The following RBBP4 variants were observed in gnomAD, a reference collection of about 807,000 sequenced individuals.
RBBP4 encodes the protein histone-binding protein RBBP4.
RBBP4 carries 3 observed loss-of-function variants against 57.2 expected under a neutral mutation model. That is an observed-to-expected ratio of 0.05 (90% CI 0.02 to 0.14). RBBP4 has a LOEUF of 0.14. RBBP4 is among the 10% of genes least tolerant of loss of function. RBBP4 has a pLI of 1.00. For synonymous variants in RBBP4, 151 were observed against 171.5 expected (o/e 0.88, Z 0.93); for missense variants, 107 against 520.6 (o/e 0.21, Z 7.73).
At chr1:32,654,094 T>C (rs1648031351) in intron 2 of RBBP4, among the ~76,000 whole-genome samples, 1 of 152,026 alleles carries the variant, frequency 6.6e-6, no homozygotes, top group South Asian at 2.1e-4. Context: ...ACTTATGGGC[T>C]GGTCATGGTG....
Position 32,681,714 on chromosome 1 carries a change from AACTTCC to A in RBBP4, c.*2012_*2017del. On this transcript the variant is annotated 3_prime_UTR_variant, in exon 12 of 12. Coordinates refer to ENST00000373493, the MANE Select transcript of RBBP4 (RefSeq NM_005610.3). ...TTTAAGCAGGTCAGCCAGTATTTGCAACTTCCACAGGATGAATTGCTTGCCAAGTTT... is the reference window on the plus strand; with the variant it reads ...TTTAAGCAGGTCAGCCAGTATTTGCAACAGGATGAATTGCTTGCCAAGTTT... The A allele has an allele frequency of 7.0e-7, 1 of 1,429,886 alleles. No homozygotes were observed. The highest frequency in any genetic ancestry group is 2.3e-5 in the East Asian group (1 of 43,372). 88.6% of individuals were successfully genotyped at this position (1,429,886 alleles called of 1,614,324 possible).
In RBBP4 at chr1:32,681,942, C is replaced by G. The variant is rs1270253112; in HGVS notation, c.*2237C>G. 1 of 1,294,522 alleles carries G rather than the reference C, an allele frequency of 7.7e-7. No individual in the cohort carries two copies. The highest frequency in any genetic ancestry group is 2.3e-5 in the East Asian group (1 of 43,258). The allele number at this position is 1,294,522 out of a possible 1,614,324, so 80.2% of individuals were successfully genotyped here. On this transcript the variant is annotated 3_prime_UTR_variant, in exon 12 of 12. Transcript: ENST00000373493. ...AGGCTTTGTTGAGAAGAGATTGTTA[C>G]AGTGTGATTTATGGATGATCAGGGA... is the stretch of plus-strand genomic sequence containing the variant.
At chr1:32,655,831 T>C (rs1405017636) in intron 2 of RBBP4, among the ~76,000 whole-genome samples, 1 of 152,234 alleles carries the variant, frequency 6.6e-6, no homozygotes, top group East Asian at 1.9e-4. Flanking sequence ...GAATTCTGGT[T>C]GTGTAGCATC....
At chr1:32,659,630 G>A (rs1415336830) in intron 3 of RBBP4, among the ~76,000 whole-genome samples, 6 of 151,906 alleles carry the variant, frequency 3.9e-5, no homozygotes, top group African/African-American at 1.2e-4. Flanking sequence ...GTGATGTATT[G>A]TTTTCTGAAG....
At position 32,683,764 on chromosome 1, in the gene RBBP4, C is replaced by T. The variant is rs987137963; in HGVS notation, c.*4059C>T. The T allele has an allele frequency of 4.8e-6, 2 of 413,720 alleles. No individual in the cohort carries two copies. Among genetic ancestry groups the T allele is most frequent in the African/African-American group, 2.0e-5 (1 of 49,006 alleles). The allele number at this position is 413,720 out of a possible 1,614,324, so 25.6% of individuals were successfully genotyped here. A position where few individuals can be genotyped will look rare whatever the true frequency, so the allele number is the denominator to read the frequency against. On this transcript the variant is annotated 3_prime_UTR_variant, in exon 12 of 12. Transcript: ENST00000373493. ...TCTCCTGCCTTGGCCTCCTGAGTAG[C>T]TGGGATTATAAGTGCCTGCCACTAT...
Position 32,681,192 on chromosome 1 carries a change from G to A in RBBP4, c.*1487G>A, listed in dbSNP as rs1207297688. On this transcript the variant is annotated 3_prime_UTR_variant, in exon 12 of 12. Transcript: ENST00000373493. The stretch of plus-strand genomic sequence containing the variant: ...TTCTGACCCAGAACTACTTTCATGA[G>A]GTAAGATCTTTGGGAAAATCTGAAT... The A allele has an allele frequency of 6.6e-6, 1 of 152,292 alleles. No homozygotes were observed. Among genetic ancestry groups the A allele is most frequent in the African/African-American group, 2.4e-5 (1 of 41,388 alleles). The allele number at this position is 152,292 out of a possible 1,614,324, so 9.4% of individuals were successfully genotyped here. A position where few individuals can be genotyped will look rare whatever the true frequency, so the allele number is the denominator to read the frequency against.
chr1:32,676,995 C>T (rs1481782655), intron 11 of RBBP4, among the ~76,000 whole-genome samples: 1 of 152,294 alleles, frequency 6.6e-6, no homozygotes, highest in South Asian at 2.1e-4. Context: ...GCAAGGCCAT[C>T]ACCTCCATTC....
intron 11 of RBBP4, among the ~76,000 whole-genome samples, chr1:32,676,660 T>C (rs1649117289): frequency 6.6e-6 from 1 of 151,452 alleles, no homozygotes; most frequent in Non-Finnish European, 1.5e-5. Context: ...AAAATGTGCT[T>C]GGTACCTAGT....
At position 32,651,993 on chromosome 1, in the gene RBBP4, T is replaced by C; in HGVS notation, c.96T>C (p.Tyr32=). The C allele has an allele frequency of 6.2e-7, 1 of 1,614,004 alleles. No homozygotes were observed. Among genetic ancestry groups the C allele is most frequent in the South Asian group, 1.1e-5 (1 of 91,070 alleles). Residue 32 remains tyrosine (Y), a synonymous_variant, in exon 2 of 12, where the codon TAT becomes TAC. Transcript: ENST00000373493. ...KIWKKNTPFL[Y]DLVMTHALEW... Reference sequence around the variant, plus strand: ...GGAAAAAGAACACCCCTTTTCTTTATGATTTGGTGATGACCCATGCTCTGG... The same window carrying C: ...GGAAAAAGAACACCCCTTTTCTTTACGATTTGGTGATGACCCATGCTCTGG...
chr1:32,665,595 T>G (rs949030312), intron 3 of RBBP4, among the ~76,000 whole-genome samples: 3 of 151,462 alleles, frequency 2.0e-5, no homozygotes, highest in Non-Finnish European at 4.4e-5. Context: ...GGAGAATCGC[T>G]TGAACCCAGG....
At chr1:32,674,782 C>G (rs944238424) in intron 11 of RBBP4, among the ~76,000 whole-genome samples, 1 of 148,880 alleles carries the variant, frequency 6.7e-6, no homozygotes, top group African/African-American at 2.5e-5. Flanking sequence ...GGCTGGAGTT[C>G]AGTAGAGCAA....
intron 11 of RBBP4, among the ~76,000 whole-genome samples, chr1:32,676,482 C>T (rs1176320471): frequency 4.7e-5 from 7 of 150,474 alleles, no homozygotes; most frequent in East Asian, 2.0e-4. Flanking sequence ...TGGTGACGGG[C>T]GCCTGTAATC....
intron 3 of RBBP4, among the ~76,000 whole-genome samples, chr1:32,662,681 G>GT (rs1208141970): frequency 2.0e-5 from 3 of 151,680 alleles, no homozygotes; most frequent in Non-Finnish European, 4.4e-5. Context: ...GCCTAGTTTT[G>GT]TTTTTTAAGG....
intron 3 of RBBP4, among the ~76,000 whole-genome samples, chr1:32,667,536 C>A (rs1356718002): frequency 6.6e-6 from 1 of 152,176 alleles, no homozygotes; most frequent in African/African-American, 2.4e-5. Flanking sequence ...TGGTAGTGGT[C>A]CCCCAGGCTC....
At position 32,681,686 on chromosome 1, in the gene RBBP4, C is replaced by A. The variant is rs925327459; in HGVS notation, c.*1981C>A. The A allele has an allele frequency of 7.5e-6, 8 of 1,060,824 alleles. No homozygotes were observed. The East Asian group carries it at 7.6e-5, about 10-fold the overall frequency. 65.7% of individuals were successfully genotyped at this position (1,060,824 alleles called of 1,614,324 possible). A position where few individuals can be genotyped will look rare whatever the true frequency, so the allele number is the denominator to read the frequency against. The stretch of plus-strand genomic sequence containing the variant: ...TTCTGCCTCCGGCCAACTCTAGAAT[C>A]TTTTTAAGCAGGTCAGCCAGTATTT... On this transcript the variant is annotated 3_prime_UTR_variant, in exon 12 of 12. Transcript: ENST00000373493.
intron 2 of RBBP4, among the ~76,000 whole-genome samples, chr1:32,652,745 A>G (rs1029896350): frequency 1.8e-4 from 27 of 152,014 alleles, no homozygotes; most frequent in African/African-American, 6.3e-4. Flanking sequence ...GGGTTTTACC[A>G]TGTGGGACAG....
chr1:32,663,711 G>T (rs1004326267), intron 3 of RBBP4, among the ~76,000 whole-genome samples: 2 of 151,850 alleles, frequency 1.3e-5, no homozygotes, highest in Non-Finnish European at 2.9e-5. Context: ...CGAGTAGCTG[G>T]GACTACAGGC....
chr1:32,651,517 C>G, intron 1 of RBBP4, 195 bp downstream of exon 1: 1 of 1,335,178 alleles, frequency 7.5e-7, no homozygotes, highest in South Asian at 2.2e-5. Context: ...TCGCAGCTGG[C>G]GAAGCCAGCG....
intron 11 of RBBP4, among the ~76,000 whole-genome samples, chr1:32,676,024 C>T (rs1366332906): frequency 6.6e-6 from 1 of 151,396 alleles, no homozygotes; most frequent in Non-Finnish European, 1.5e-5. Context: ...CGGGTAGAGG[C>T]TGCTGTGAGA....
Sources: gnomAD v4.1 joint callset for allele counts (sites outside exome capture counted in the v4.1 genomes callset) on GRCh38, gnomAD v4.1.1 for gene constraint, MANE v1.5 for transcripts, NCBI Gene and HGNC (gene_info 2026-07-23, HGNC 2026-07-21) for gene names.